ADGRB3: variants seen among roughly 807,000 people sequenced by gnomAD.
ADGRB3 encodes the protein brain-specific angiogenesis inhibitor 3.
In ADGRB3, 37 loss-of-function variants were observed where a neutral mutation model predicts 193.4. The ratio of observed to expected loss-of-function variants is 0.19; its 90% confidence interval spans 0.15 to 0.25. The LOEUF is 0.25. ADGRB3 is among the 10% of genes least tolerant of loss of function. The pLI, the probability that ADGRB3 is intolerant of heterozygous loss-of-function variation, is 1.00. For missense variants in ADGRB3, 1,637 were observed against 1,852.9 expected, an observed-to-expected ratio of 0.88 and a Z score of 2.14; for synonymous variants, 690 against 644.2, an observed-to-expected ratio of 1.07 and a Z score of -1.08.
At chr6:69,297,112 A>ATAAGAGTTTG (rs1364532305) in intron 20 of ADGRB3, among the ~76,000 whole-genome samples, 4 of 152,124 alleles carry the variant, frequency 2.6e-5, no homozygotes, top group Non-Finnish European at 4.4e-5. Flanking sequence ...TGGAAACTGC[A>ATAAGAGTTTG]TAAGAGTTTG....
chr6:69,336,354 T>C (rs188859271), intron 24 of ADGRB3, among the ~76,000 whole-genome samples: 57 of 152,176 alleles, frequency 3.7e-4, no homozygotes, highest in Admixed American at 2.9e-3. Flanking sequence ...CTTTGTCTTA[T>C]GTACCTGAAA....
chr6:69,273,691 G>A (rs984481845), intron 20 of ADGRB3, among the ~76,000 whole-genome samples: 10 of 152,156 alleles, frequency 6.6e-5, no homozygotes, highest in Non-Finnish European at 1.2e-4. Flanking sequence ...GTGTGCCTCC[G>A]TAAAACCAGT....
intron 20 of ADGRB3, among the ~76,000 whole-genome samples, chr6:69,271,162 A>G (rs1025835805): frequency 1.3e-5 from 2 of 152,218 alleles, no homozygotes; most frequent in Non-Finnish European, 2.9e-5. Flanking sequence ...TAAATATGAA[A>G]CAAAGCTGAA....
At chr6:69,346,704 C>G (rs1423572777) in intron 26 of ADGRB3, among the ~76,000 whole-genome samples, 1 of 152,134 alleles carries the variant, frequency 6.6e-6, no homozygotes, top group Non-Finnish European at 1.5e-5. Context: ...CAGGAAACAA[C>G]AGATGCTGGA....
chr6:68,859,568 A>T (rs761664115), intron 3 of ADGRB3, among the ~76,000 whole-genome samples: 3 of 152,246 alleles, frequency 2.0e-5, no homozygotes, highest in African/African-American at 7.2e-5. Context: ...AAGACAAAGG[A>T]ATAGCAAAGG....
At chr6:68,786,566 A>G (rs1766975596) in intron 3 of ADGRB3, among the ~76,000 whole-genome samples, 1 of 152,142 alleles carries the variant, frequency 6.6e-6, no homozygotes, top group African/African-American at 2.4e-5. Context: ...GCCTTGTAGT[A>G]TAGTTTGAAT....
At chr6:68,790,213 T>A (rs1767072515) in intron 3 of ADGRB3, among the ~76,000 whole-genome samples, 1 of 152,148 alleles carries the variant, frequency 6.6e-6, no homozygotes, top group African/African-American at 2.4e-5. Flanking sequence ...GAGACAAAAT[T>A]GCTAGCACAG....
At chr6:68,916,799 T>C (rs543420346) in intron 3 of ADGRB3, among the ~76,000 whole-genome samples, 6 of 152,300 alleles carry the variant, frequency 3.9e-5, no homozygotes, top group African/African-American at 1.4e-4. Flanking sequence ...CCAGTATGGT[T>C]AGAGCATGGT....
At chr6:68,785,402 C>T (rs568600455) in intron 3 of ADGRB3, among the ~76,000 whole-genome samples, 53 of 146,998 alleles carry the variant, frequency 3.6e-4, no homozygotes, top group East Asian at 1.7e-3. Context: ...TGAGAACATG[C>T]GGTGTTTGGT....
intron 20 of ADGRB3, among the ~76,000 whole-genome samples, chr6:69,282,241 C>T (rs570609584): frequency 9.9e-5 from 15 of 152,158 alleles, no homozygotes; most frequent in African/African-American, 3.1e-4. Context: ...AGAAATCCAC[C>T]CACCGTTTTG....
intron 17 of ADGRB3, among the ~76,000 whole-genome samples, chr6:69,107,251 T>C (rs1435653871): frequency 1.3e-5 from 2 of 152,228 alleles, no homozygotes; most frequent in Admixed American, 6.5e-5. Context: ...TACTTATGTA[T>C]ATGTGCAAGA....
chr6:69,221,685 T>C (rs1765898181), intron 17 of ADGRB3, among the ~76,000 whole-genome samples: 1 of 152,164 alleles, frequency 6.6e-6, no homozygotes, highest in Non-Finnish European at 1.5e-5. Context: ...GAATTTCGTA[T>C]ATGGTTCTTT....
chr6:69,341,302 G>A (rs138477647), intron 26 of ADGRB3, among the ~76,000 whole-genome samples: 33 of 152,086 alleles, frequency 2.2e-4, no homozygotes, highest in African/African-American at 7.5e-4. Context: ...TTTAATGATC[G>A]CCTTTCTAAC....
intron 3 of ADGRB3, among the ~76,000 whole-genome samples, chr6:68,742,667 C>T (rs924689026): frequency 6.6e-6 from 1 of 152,052 alleles, no homozygotes; most frequent in Admixed American, 6.6e-5. Context: ...GAATATTTCA[C>T]CACAGTATTT....
chr6:68,821,267 A>T (rs2127380268), intron 3 of ADGRB3, among the ~76,000 whole-genome samples: 1 of 152,062 alleles, frequency 6.6e-6, no homozygotes, highest in Admixed American at 6.6e-5. Context: ...TATTTGCATA[A>T]TTATTTTTAT....
At chr6:69,024,672 A>G (rs1770373661) in intron 13 of ADGRB3, among the ~76,000 whole-genome samples, 1 of 152,270 alleles carries the variant, frequency 6.6e-6, no homozygotes, top group African/African-American at 2.4e-5. Flanking sequence ...AACAGATACA[A>G]GAATCTAAAA....
intron 23 of ADGRB3, chr6:69,332,094 T>G: frequency 1.0e-6 from 1 of 985,366 alleles, no homozygotes; most frequent in Non-Finnish European, 1.2e-6. Flanking sequence ...TATTTTTCAT[T>G]TACTCATTGG....
At chr6:68,932,557 A>C (rs1432827365) in intron 4 of ADGRB3, among the ~76,000 whole-genome samples, 2 of 152,056 alleles carry the variant, frequency 1.3e-5, no homozygotes, top group Non-Finnish European at 2.9e-5. Context: ...GACAATTATA[A>C]TGTGAAAAAG....
chr6:68,900,232 A>T (rs1460770800), intron 3 of ADGRB3, among the ~76,000 whole-genome samples: 1 of 152,194 alleles, frequency 6.6e-6, no homozygotes, highest in African/African-American at 2.4e-5. Context: ...ATCTGAAAAC[A>T]ATTACTAAAA....
Sources: allele counts gnomAD v4.1 joint callset (sites outside exome capture counted in the v4.1 genomes callset), GRCh38; gene constraint gnomAD v4.1.1; transcripts MANE v1.5; gene names NCBI Gene and HGNC (gene_info 2026-07-23, HGNC 2026-07-21).